Variants in LRBA observed in about 807,000 individuals in gnomAD.
LRBA encodes LPS responsive beige-like anchor protein, also known as lipopolysaccharide-responsive and beige-like anchor protein.
LRBA carries 176 observed loss-of-function variants against 330.0 expected under a neutral mutation model. That is an observed-to-expected ratio of 0.53 (90% confidence interval 0.47 to 0.60). The LOEUF (loss-of-function observed/expected upper bound fraction) is 0.60. Among genes scored for constraint, LRBA ranks in the 20% least tolerant of loss-of-function variants. LRBA has a pLI of 0.00. For synonymous variants in LRBA, 1,230 were observed against 1,193.0 expected, an observed-to-expected ratio of 1.03 and a Z score of -0.64; for missense variants, 3,259 against 3,444.8, an observed-to-expected ratio of 0.95 and a Z score of 1.35.
chr4:150,634,058 T>A (rs529589488), intron 37 of LRBA, among the ~76,000 whole-genome samples: 62 of 152,250 alleles, frequency 4.1e-4, no homozygotes, highest in Middle Eastern at 3.4e-3. Flanking sequence ...GAGGTTGCAG[T>A]GAACCAAGAT....
At chr4:150,574,501 A>T (rs778889318) in intron 40 of LRBA, among the ~76,000 whole-genome samples, 9 of 152,018 alleles carry the variant, frequency 5.9e-5, no homozygotes, top group Non-Finnish European at 1.2e-4. Flanking sequence ...ATAATGGATA[A>T]AGATAGTGAC....
chr4:150,906,064 G>GA (rs1731303438), intron 12 of LRBA, 74 bp from the exon 13 acceptor site: 2 of 1,299,360 alleles, frequency 1.5e-6, no homozygotes, highest in Non-Finnish European at 2.2e-6. Flanking sequence ...TCCCTACCAG[G>GA]AAAAAAACTG....
intron 35 of LRBA, among the ~76,000 whole-genome samples, chr4:150,742,064 T>G (rs1363984075): frequency 6.6e-6 from 1 of 151,796 alleles, no homozygotes; most frequent in African/African-American, 2.4e-5. Context: ...GTATAGGTCT[T>G]CTAAACTTCC....
In LRBA at chr4:151,001,869, T is replaced by G. The variant is rs868546553; in HGVS notation, c.216+12558A>C. On this transcript the variant is annotated intron_variant, in intron 2 of 56. Coordinates refer to ENST00000651943, the MANE Select transcript of LRBA (RefSeq NM_001364905.1). Reference sequence around the variant, plus strand: ...AGGACAGGCATTCTCAGCCCACTGCTGTCACCACTGAGGCCTGAAAAGTGC... The same window carrying G: ...AGGACAGGCATTCTCAGCCCACTGCGGTCACCACTGAGGCCTGAAAAGTGC... Among the ~76,000 whole-genome samples, 13 of 152,106 alleles carry G rather than the reference T, an allele frequency of 8.5e-5. 1 individual carries two copies. The highest frequency in any genetic ancestry group is 3.1e-4 in the African/African-American group (13 of 41,414).
At chr4:150,832,356 G>C (rs1747333534) in intron 28 of LRBA, among the ~76,000 whole-genome samples, 1 of 152,086 alleles carries the variant, frequency 6.6e-6, no homozygotes. Context: ...CAGTACTTTG[G>C]GGGCCAAACC....
chr4:150,724,958 A>G (rs1729477657), intron 36 of LRBA, among the ~76,000 whole-genome samples: 2 of 151,268 alleles, frequency 1.3e-5, no homozygotes, highest in African/African-American at 4.8e-5. Flanking sequence ...GAAAAATGCA[A>G]TAACATGCTG....
intron 40 of LRBA, among the ~76,000 whole-genome samples, chr4:150,518,882 A>G (rs1762633948): frequency 6.6e-6 from 1 of 152,012 alleles, no homozygotes; most frequent in South Asian, 2.1e-4. Context: ...TAGAATACTA[A>G]TTTTCTGGGG....
rs114583381 is a variant in LRBA, at chr4:150,683,393, T to A, written c.5921+158A>T. 1.6e-3 allele frequency among the ~76,000 whole-genome samples: 251 copies of A among 152,282 alleles called. 1 individual carries two copies. Among genetic ancestry groups the A allele is most frequent in the Middle Eastern group, 6.8e-3 (2 of 294 alleles). The stretch of plus-strand genomic sequence containing the variant: ...AGATCCATAATTGTACCCATACTGA[T>A]TTTCTCCTTCCCTTTGGCTTTAAAT... On this transcript the variant is annotated intron_variant, in intron 37 of 56. Coordinates refer to ENST00000651943, the MANE Select transcript of LRBA (RefSeq NM_001364905.1).
chr4:150,558,739 A>G (rs890774670), intron 40 of LRBA, among the ~76,000 whole-genome samples: 21 of 152,204 alleles, frequency 1.4e-4, no homozygotes, highest in Admixed American at 3.3e-4. Flanking sequence ...GTATGCATAT[A>G]TACCAATCCA....
At chr4:150,367,650 T>C (rs1352031896) in intron 47 of LRBA, among the ~76,000 whole-genome samples, 1 of 152,332 alleles carries the variant, frequency 6.6e-6, no homozygotes, top group South Asian at 2.1e-4. Context: ...GGGCATGATA[T>C]AATTAAATGT....
intron 2 of LRBA, among the ~76,000 whole-genome samples, chr4:150,941,708 G>A (rs2149527735): frequency 6.6e-6 from 1 of 152,154 alleles, no homozygotes; most frequent in Non-Finnish European, 1.5e-5. Flanking sequence ...CCAACATGGG[G>A]GAACCCCGTC....
At chr4:150,693,953 ATGT>A (rs1044197964) in intron 36 of LRBA, among the ~76,000 whole-genome samples, 1 of 152,202 alleles carries the variant, frequency 6.6e-6, no homozygotes, top group Non-Finnish European at 1.5e-5. Context: ...TAAATTAATA[ATGT>A]TTAATGCTAA....
intron 44 of LRBA, among the ~76,000 whole-genome samples, chr4:150,451,348 C>T (rs1753319449): frequency 6.6e-6 from 1 of 152,168 alleles, no homozygotes. Flanking sequence ...TGAAATCATA[C>T]AGCGTATGTT....
chr4:150,590,141 A>G (rs887748188), intron 39 of LRBA, among the ~76,000 whole-genome samples: 1 of 152,212 alleles, frequency 6.6e-6, no homozygotes, highest in African/African-American at 2.4e-5. Context: ...ATGAATGACT[A>G]AAATTTCCGG....
chr4:150,730,558 CT>C (rs1442015257), intron 36 of LRBA, among the ~76,000 whole-genome samples: 1 of 151,766 alleles, frequency 6.6e-6, no homozygotes, highest in African/African-American at 2.4e-5. Context: ...TGGCACAGGC[CT>C]TTAATCCCAG....
At chr4:150,380,982 CAAAAAAA>C (rs58528401) in intron 47 of LRBA, among the ~76,000 whole-genome samples, 9 of 61,008 alleles carry the variant, frequency 1.5e-4, no homozygotes, top group Non-Finnish European at 1.5e-4. Context: ...AACTCCATCT[CAAAAAAA>C]AAAAAAAAAA....
intron 2 of LRBA, among the ~76,000 whole-genome samples, chr4:150,940,687 G>T (rs920223104): frequency 2.0e-5 from 3 of 151,982 alleles, no homozygotes; most frequent in Non-Finnish European, 4.4e-5. Context: ...TTTCCCCAGT[G>T]TTTCAGTTAC....
At chr4:150,478,880 G>T (rs2152077638) in intron 42 of LRBA, among the ~76,000 whole-genome samples, 1 of 152,242 alleles carries the variant, frequency 6.6e-6, no homozygotes, top group African/African-American at 2.4e-5. Context: ...CAGCTATTTA[G>T]TTTACATATT....
chr4:150,293,565 T>A (rs1369708234), intron 53 of LRBA, among the ~76,000 whole-genome samples: 1 of 152,228 alleles, frequency 6.6e-6, no homozygotes, highest in African/African-American at 2.4e-5. Flanking sequence ...TAGTAGCAAC[T>A]TCTTGTAAAT....
Sources: allele counts gnomAD v4.1 joint callset (sites outside exome capture counted in the v4.1 genomes callset), GRCh38; gene constraint gnomAD v4.1.1; transcripts MANE v1.5; gene names NCBI Gene and HGNC (gene_info 2026-07-23, HGNC 2026-07-21).